TRIM45: variants seen among roughly 807,000 people sequenced by gnomAD.
The protein encoded by TRIM45 is tripartite motif containing 45.
Under a neutral mutation model 46.7 loss-of-function variants are expected in TRIM45, and 45 were observed. The ratio of observed to expected loss-of-function variants is 0.96; its 90% CI spans 0.76 to 1.24. TRIM45 has a LOEUF of 1.24. Ranked by LOEUF, TRIM45 falls within the 50% of genes most tolerant of loss-of-function variation. The pLI is 0.00. For synonymous variants in TRIM45, 259 were observed against 285.8 expected (o/e 0.91, Z 0.94); for missense variants, 680 against 728.4 (o/e 0.93, Z 0.77).
chr1:117,121,972 G>A, upstream of TRIM45: 1 of 617,014 alleles, frequency 1.6e-6, no homozygotes, highest in Non-Finnish European at 3.0e-6. This position sits in a 1 kb window ranked among gnomAD's most constrained non-coding sequence, Gnocchi z 4.2. Flanking sequence ...GCGGCGGGAG[G>A]AAAAGGCCAA....
chr1:117,121,566 C>CCCCCCCCA lies in TRIM45; in HGVS notation c.-366_-365insTGGGGGGG. ...CCACTGCCACCCCCCTCCCGCCGCC[C>CCCCCCCCA]GCCCCACTGCGCGCCACACGCGACA... On this transcript the variant is annotated 5_prime_UTR_variant, in exon 1 of 6. Coordinates refer to ENST00000256649, the MANE Select transcript of TRIM45 (RefSeq NM_025188.4). The surrounding 1 kb of genome is among the most constrained non-coding windows in gnomAD (Gnocchi z 4.2). 2.0e-6 allele frequency: 1 copy of CCCCCCCCA among 511,142 alleles called. No homozygotes were observed. The highest frequency in any genetic ancestry group is 5.2e-4 in the Middle Eastern group (1 of 1,936). 31.7% of individuals were successfully genotyped at this position (511,142 alleles called of 1,614,324 possible).
intron 5 of TRIM45, 101 bp from the exon 6 acceptor site, chr1:117,112,554 C>A: frequency 8.5e-7 from 1 of 1,170,550 alleles, no homozygotes; most frequent in South Asian, 1.6e-5. Flanking sequence ...CATGCAGATT[C>A]ATGGGAGTGA....
upstream of TRIM45, among the ~76,000 whole-genome samples, chr1:117,123,642 T>G (rs1650749475): frequency 6.6e-6 from 1 of 151,978 alleles, no homozygotes; most frequent in Non-Finnish European, 1.5e-5. Context: ...TTTTTTTCTT[T>G]TTTTGAGATT....
chr1:117,121,674 T>C lies in TRIM45; in HGVS notation c.-473A>G, dbSNP rs900654472. 5.7e-5 allele frequency: 29 copies of C among 506,160 alleles called. No individual in the cohort carries two copies. The highest frequency in any genetic ancestry group is 3.7e-4 in the Admixed American group (10 of 26,958). 31.4% of individuals were successfully genotyped at this position (506,160 alleles called of 1,614,324 possible). The stretch of plus-strand genomic sequence containing the variant: ...GAAAGGCGCGCGCCGGGTGAGGGAA[T>C]TGCAAGCCGCCGGCGGGCTTCTCGG... On this transcript the variant is annotated 5_prime_UTR_variant, in exon 1 of 6. Coordinates refer to ENST00000256649, the MANE Select transcript of TRIM45 (RefSeq NM_025188.4). This position sits in a 1 kb window ranked among gnomAD's most constrained non-coding sequence, Gnocchi z 4.2.
chr1:117,121,215 G>C lies in TRIM45; in HGVS notation c.-14C>G, dbSNP rs775563582. The stretch of plus-strand genomic sequence containing the variant: ...GTTTTCTGACATACTCCTCACGTTT[G>C]TGACCAATATTAGAAAGGGCCCTGG... On this transcript the variant is annotated 5_prime_UTR_variant, in exon 1 of 6. Coordinates refer to ENST00000256649, the MANE Select transcript of TRIM45 (RefSeq NM_025188.4). This position sits in a 1 kb window ranked among gnomAD's most constrained non-coding sequence, Gnocchi z 4.2. The C allele has an allele frequency of 6.6e-7, 1 of 1,525,966 alleles. No homozygotes were observed. The highest frequency in any genetic ancestry group is 8.7e-7 in the Non-Finnish European group (1 of 1,144,348). 94.5% of individuals were successfully genotyped at this position (1,525,966 alleles called of 1,614,324 possible).
intron 4 of TRIM45, among the ~76,000 whole-genome samples, chr1:117,114,344 C>T (rs1367893461): frequency 1.3e-5 from 2 of 152,222 alleles, no homozygotes; most frequent in African/African-American, 4.8e-5. Flanking sequence ...GATGGGATCT[C>T]ACTCTGTCAC....
chr1:117,116,700 A>C lies in TRIM45; in HGVS notation c.1268T>G (p.Leu423Arg). Residue 423 changes from leucine to arginine, a missense_variant, in exon 3 of 6, where the codon CTT becomes CGT. Leu to Arg is a moderately radical substitution (Grantham distance 102). Transcript: ENST00000256649. The surrounding 1 kb of genome is among the most constrained non-coding windows in gnomAD (Gnocchi z 4.6). ...REKQTASFTLLCKDAAGEIMG... is the reference protein window; with the variant it reads ...REKQTASFTLRCKDAAGEIMG... ...GATTTCTCCTGCGGCATCCTTACAA[A>C]GCAGGGTGAAAGAGGCCGTCTGTTT... 1.2e-6 allele frequency: 2 copies of C among 1,614,138 alleles called. No homozygotes were observed. The highest frequency in any genetic ancestry group is 1.7e-6 in the Non-Finnish European group (2 of 1,180,020).
chr1:117,114,709 C>A (rs1413397659), intron 4 of TRIM45, among the ~76,000 whole-genome samples: 1 of 152,272 alleles, frequency 6.6e-6, no homozygotes, highest in East Asian at 1.9e-4. Flanking sequence ...GACACTGATC[C>A]CTGTGCCTGA....
intron 1 of TRIM45, among the ~76,000 whole-genome samples, chr1:117,119,059 T>C (rs1191044510): frequency 1.3e-5 from 2 of 152,224 alleles, no homozygotes; most frequent in African/African-American, 2.4e-5. Context: ...GCTAGAACTT[T>C]CCCAAAGAGT....
Position 117,117,078 on chromosome 1 carries a change from C to G in TRIM45, c.1223-333G>C, listed in dbSNP as rs1485191346. Among the ~76,000 whole-genome samples the G allele has an allele frequency of 6.6e-6, 1 of 152,020 alleles. No homozygotes were observed. The highest frequency in any genetic ancestry group is 2.4e-5 in the African/African-American group (1 of 41,398). ...AGACCCTGTGAGAGAGGATAGTAAC[C>G]CCAAAACCACCCTCCCTAAGCTCCA... On this transcript the variant is annotated intron_variant, in intron 2 of 5. Transcript: ENST00000256649. The surrounding 1 kb of genome is among the most constrained non-coding windows in gnomAD (Gnocchi z 4.9).
Position 117,113,216 on chromosome 1 carries a change from A to C in TRIM45, c.1594+143T>G, listed in dbSNP as rs1650284166. 3.1e-5 allele frequency: 36 copies of C among 1,178,654 alleles called. No individual in the cohort carries two copies. Among genetic ancestry groups the C allele is most frequent in the Non-Finnish European group, 4.2e-5 (35 of 837,918 alleles). 73.0% of individuals were successfully genotyped at this position (1,178,654 alleles called of 1,614,324 possible). ...AAGCTTTAAGTGACACTTTTAGAAC[A>C]GTGGTGTCTCTACAATCACAGACTG... On this transcript the variant is annotated intron_variant, in intron 5 of 5. Transcript: ENST00000256649. The surrounding 1 kb of genome is among the most constrained non-coding windows in gnomAD (Gnocchi z 4.0).
At position 117,121,065 on chromosome 1, in the gene TRIM45, T is replaced by TGCA; in HGVS notation, c.134_136dup (p.Leu45dup). ...CTCCAGACACGTGGTGCAAACTGTA[T>TGCA]GCAAACAAGGCAAGAGCCTGGGGGC... On this transcript the variant is annotated inframe_insertion, in exon 1 of 6. Transcript: ENST00000256649. This position sits in a 1 kb window ranked among gnomAD's most constrained non-coding sequence, Gnocchi z 4.2. 1 of 1,614,138 alleles carries TGCA rather than the reference T, an allele frequency of 6.2e-7. No homozygotes were observed. Among genetic ancestry groups the TGCA allele is most frequent in the Non-Finnish European group, 8.5e-7 (1 of 1,180,040 alleles).
chr1:117,122,221 G>A, upstream of TRIM45: 1 of 171,830 alleles, frequency 5.8e-6, no homozygotes, highest in Non-Finnish European at 1.2e-5. Flanking sequence ...GGGCTCCCGA[G>A]GTCTCGGCCG....
chr1:117,121,454 C>A lies in TRIM45; in HGVS notation c.-253G>T. 1 of 522,856 alleles carries A rather than the reference C, an allele frequency of 1.9e-6. No individual in the cohort carries two copies. Among genetic ancestry groups the A allele is most frequent in the Non-Finnish European group, 3.3e-6 (1 of 298,970 alleles). The allele number at this position is 522,856 out of a possible 1,614,324, so 32.4% of individuals were successfully genotyped here. A position where few individuals can be genotyped will look rare whatever the true frequency, so the allele number is the denominator to read the frequency against. Reference sequence around the variant, plus strand: ...GACACGCCCACGCCCTCCTCTGCCCCGCAAGTCCTCCCCGGATGCGCTTCC... The same window carrying A: ...GACACGCCCACGCCCTCCTCTGCCCAGCAAGTCCTCCCCGGATGCGCTTCC... On this transcript the variant is annotated 5_prime_UTR_variant, in exon 1 of 6. Coordinates refer to ENST00000256649, the MANE Select transcript of TRIM45 (RefSeq NM_025188.4). This position sits in a 1 kb window ranked among gnomAD's most constrained non-coding sequence, Gnocchi z 4.2.
chr1:117,121,267 A>C lies in TRIM45; in HGVS notation c.-66T>G. The C allele has an allele frequency of 6.7e-7, 1 of 1,491,484 alleles. No homozygotes were observed. 92.4% of individuals were successfully genotyped at this position (1,491,484 alleles called of 1,614,324 possible). ...CAGTTCTACGATTTAGTAGCAGGTG[A>C]TTAAGCCCACCCAAAGAGAAAGTCT... On this transcript the variant is annotated 5_prime_UTR_variant, in exon 1 of 6. Transcript: ENST00000256649. The surrounding 1 kb of genome is among the most constrained non-coding windows in gnomAD (Gnocchi z 4.2).
chr1:117,121,210 C>A lies in TRIM45; in HGVS notation c.-9G>T, dbSNP rs746124349. ...TTTCTGTTTTCTGACATACTCCTCA[C>A]GTTTGTGACCAATATTAGAAAGGGC... On this transcript the variant is annotated 5_prime_UTR_variant, in exon 1 of 6. Coordinates refer to ENST00000256649, the MANE Select transcript of TRIM45 (RefSeq NM_025188.4). The surrounding 1 kb of genome is among the most constrained non-coding windows in gnomAD (Gnocchi z 4.2). 2.7e-5 allele frequency: 41 copies of A among 1,528,296 alleles called. No homozygotes were observed. The East Asian group carries it at 9.3e-4, about 34-fold the overall frequency. 94.7% of individuals were successfully genotyped at this position (1,528,296 alleles called of 1,614,324 possible). A position where few individuals can be genotyped will look rare whatever the true frequency, so the allele number is the denominator to read the frequency against.
At chr1:117,123,024 AGTT>A (rs1449355783), upstream of TRIM45, among the ~76,000 whole-genome samples, 2 of 141,786 alleles carry the variant, frequency 1.4e-5, no homozygotes, top group Non-Finnish European at 3.0e-5. Flanking sequence ...TCTGAAAAAA[AGTT>A]AACCCCAAAA....
At position 117,121,082 on chromosome 1, in the gene TRIM45, C is replaced by A; in HGVS notation, c.120G>T (p.Arg40Ser). Residue 40 changes from arginine to serine, a missense_variant, in exon 1 of 6, where the codon AGG (arginine) becomes AGT (serine). By Grantham distance (110) the Arg-to-Ser change is moderately radical. Transcript: ENST00000256649. This position sits in a 1 kb window ranked among gnomAD's most constrained non-coding sequence, Gnocchi z 4.2. ...PLCLGLFKAP[R>S]LLPCLHTVCT... Reference sequence around the variant, plus strand: ...AAACTGTATGCAAACAAGGCAAGAGCCTGGGGGCTTTGAAAAGCCCCAAGC... The same window carrying A: ...AAACTGTATGCAAACAAGGCAAGAGACTGGGGGCTTTGAAAAGCCCCAAGC... 2 of 1,614,054 alleles carry A rather than the reference C, an allele frequency of 1.2e-6. No individual in the cohort carries two copies. The highest frequency in any genetic ancestry group is 8.5e-7 in the Non-Finnish European group (1 of 1,179,990).
At position 117,116,725 on chromosome 1, in the gene TRIM45, T is replaced by C; in HGVS notation, c.1243A>G (p.Lys415Glu). The C allele has an allele frequency of 6.2e-7, 1 of 1,614,092 alleles. No homozygotes were observed. Among genetic ancestry groups the C allele is most frequent in the Non-Finnish European group, 8.5e-7 (1 of 1,179,978 alleles). The change falls in exon 3 of 6, where the codon AAA becomes GAA. Residue 415 changes from lysine to glutamate, a missense_variant. This residue lies in a region of TRIM45 where 322 missense variants were observed against 359.3 expected (regional missense o/e 0.90). Transcript: ENST00000256649. This position sits in a 1 kb window ranked among gnomAD's most constrained non-coding sequence, Gnocchi z 4.6. Reference sequence around the variant, plus strand: ...AGCAGGGTGAAAGAGGCCGTCTGTTTCTCCCGGGCTCTGTGGAGGTCTGAA... The same window carrying C: ...AGCAGGGTGAAAGAGGCCGTCTGTTCCTCCCGGGCTCTGTGGAGGTCTGAA... ...QGEDLHRARE[K>E]QTASFTLLCK...
Sources: gnomAD v4.1 joint callset for allele counts (sites outside exome capture counted in the v4.1 genomes callset) on GRCh38, gnomAD v4.1.1 for gene constraint, gnomAD v4.1.1 regional missense constraint, Gnocchi (gnomAD v3.1) non-coding constraint, MANE v1.5 for transcripts, NCBI Gene and HGNC (gene_info 2026-07-23, HGNC 2026-07-21) for gene names.